TUBA1C: variants seen among roughly 807,000 people sequenced by gnomAD.
TUBA1C encodes the protein tubulin alpha 1c.
TUBA1C carries 16 observed loss-of-function variants against 34.9 expected under a neutral mutation model. The ratio of observed to expected loss-of-function variants is 0.46; its 90% CI spans 0.31 to 0.70. TUBA1C has a LOEUF of 0.70. TUBA1C is among the 30% of genes least tolerant of loss of function. The pLI is 0.05. For missense variants in TUBA1C, 329 were observed against 587.3 expected (o/e 0.56, Z 4.55); for synonymous variants, 177 against 215.9 (o/e 0.82, Z 1.58).
intron 3 of TUBA1C, 64 bp downstream of exon 3, chr12:49,270,040 CA>C: frequency 6.2e-7 from 1 of 1,613,920 alleles, no homozygotes; most frequent in Non-Finnish European, 8.5e-7. Context: ...GACCAAACTA[CA>C]GAAATCATTC....
At chr12:49,256,434 A>T (rs1212045129) in intron 1 of TUBA1C, 1 of 455,708 alleles carries the variant, frequency 2.2e-6, no homozygotes. Context: ...TTCCGTACAT[A>T]TAAATGGAGC....
At chr12:49,262,036 G>A (rs532649885), upstream of TUBA1C, among the ~76,000 whole-genome samples, 1 of 152,232 alleles carries the variant, frequency 6.6e-6, no homozygotes, top group African/African-American at 2.4e-5. Flanking sequence ...TGTTAGGGCT[G>A]TAAGGGCCTT....
chr12:49,272,901 C>A lies in TUBA1C; in HGVS notation c.1024C>A (p.Gln342Lys), dbSNP rs573833092. The A allele has an allele frequency of 3.1e-6, 5 of 1,614,186 alleles. No homozygotes were observed. The highest frequency in any genetic ancestry group is 4.2e-6 in the Non-Finnish European group (5 of 1,180,018). Residue 342 changes from glutamine to lysine, a missense_variant, in exon 4 of 4, where the codon CAG (glutamine) becomes AAG (lysine). By Grantham distance (53) the Gln-to-Lys change is moderately conservative. Coordinates refer to ENST00000301072, the MANE Select transcript of TUBA1C (RefSeq NM_032704.5). Reference protein sequence around the residue: ...IATIKTKRTIQFVDWCPTGFK... With the variant: ...IATIKTKRTIKFVDWCPTGFK... ...CACCATCAAAACCAAGCGTACCATC[C>A]AGTTTGTGGATTGGTGCCCCACTGG...
intron 1 of TUBA1C, among the ~76,000 whole-genome samples, chr12:49,240,199 G>A (rs1942599185): frequency 6.6e-6 from 1 of 150,814 alleles, no homozygotes. Flanking sequence ...ATTTATGTTT[G>A]GCAAAAAGCA....
chr12:49,244,975 G>A (rs1244013725), intron 1 of TUBA1C, among the ~76,000 whole-genome samples: 1 of 152,038 alleles, frequency 6.6e-6, no homozygotes, highest in Non-Finnish European at 1.5e-5. Flanking sequence ...ACAAGACTTG[G>A]AGAAGATAAA....
At chr12:49,270,693 A>AAGCTTT (rs1226150823) in intron 3 of TUBA1C, among the ~76,000 whole-genome samples, 6 of 152,184 alleles carry the variant, frequency 3.9e-5, no homozygotes, top group Non-Finnish European at 7.4e-5. Context: ...CTTAAAAACT[A>AAGCTTT]AGCTTTAGGC....
chr12:49,237,789 G>A (rs1019642434), intron 1 of TUBA1C, among the ~76,000 whole-genome samples: 1 of 149,396 alleles, frequency 6.7e-6, no homozygotes, highest in African/African-American at 2.5e-5. Flanking sequence ...AGGGAGGAAG[G>A]AAAGGAAAAA....
rs1212956084 is a variant in TUBA1C, at chr12:49,228,070, G to A, written c.117G>A (p.Trp39Ter). 6.5e-7 allele frequency: 1 copy of A among 1,535,630 alleles called. No homozygotes were observed. Among genetic ancestry groups the A allele is most frequent in the South Asian group, 1.2e-5 (1 of 84,062 alleles). ...ATGCAAAACTGTACATCTCTAACTG[G>A]ATTCTTATTTACTTCACCAGGACTC... The change falls in exon 1 of 4, where the codon TGG becomes TGA. Residue 39 changes from tryptophan to a stop codon, truncating the protein, a stop_gained. Coordinates refer to the TUBA1C transcript ENST00000541364. LOFTEE classifies it high-confidence loss of function.
chr12:49,240,296 GAAAA>G (rs201018194), intron 1 of TUBA1C, among the ~76,000 whole-genome samples: 6 of 81,966 alleles, frequency 7.3e-5, no homozygotes, highest in African/African-American at 1.7e-4. Context: ...ACCATTCTCT[GAAAA>G]AAAAAAAAAA....
At chr12:49,243,107 C>T (rs1327536422) in intron 1 of TUBA1C, among the ~76,000 whole-genome samples, 4 of 152,120 alleles carry the variant, frequency 2.6e-5, no homozygotes, top group African/African-American at 4.8e-5. Context: ...CGTGCCCGGT[C>T]GTGACTTCCA....
upstream of TUBA1C, among the ~76,000 whole-genome samples, chr12:49,263,638 C>T (rs1942863306): frequency 6.6e-6 from 1 of 152,070 alleles, no homozygotes; most frequent in African/African-American, 2.4e-5. Context: ...AGAAAATTCA[C>T]TTTTGTTCCC....
At chr12:49,243,666 C>T (rs1405956421) in intron 1 of TUBA1C, among the ~76,000 whole-genome samples, 1 of 151,978 alleles carries the variant, frequency 6.6e-6, no homozygotes, top group Non-Finnish European at 1.5e-5. Context: ...GGCTGGAGTG[C>T]AGTGGTGCAA....
intron 1 of TUBA1C, among the ~76,000 whole-genome samples, chr12:49,251,111 G>A (rs2137002670): frequency 1.3e-5 from 2 of 152,284 alleles, no homozygotes; most frequent in East Asian, 3.9e-4. Flanking sequence ...GGAGGCTGAG[G>A]TGGGACAATA....
intron 1 of TUBA1C, among the ~76,000 whole-genome samples, chr12:49,268,435 G>A (rs1329991425): frequency 6.6e-6 from 1 of 150,998 alleles, no homozygotes; most frequent in Admixed American, 6.6e-5. Flanking sequence ...AATAGAGACA[G>A]TTTCACCATG....
At chr12:49,251,555 A>G (rs1035921585) in intron 1 of TUBA1C, among the ~76,000 whole-genome samples, 56 of 152,260 alleles carry the variant, frequency 3.7e-4, no homozygotes, top group Non-Finnish European at 1.9e-4. Flanking sequence ...TGGATGGGTC[A>G]CTTGAGGTCA....
chr12:49,254,484 C>CAA (rs764051406), intron 1 of TUBA1C, among the ~76,000 whole-genome samples: 662 of 29,696 alleles, frequency 0.022, 24 homozygotes, highest in African/African-American at 0.052. Context: ...TCCATCTAAA[C>CAA]AAAAAAAAAA....
chr12:49,244,724 T>G (rs1395265304), intron 1 of TUBA1C, among the ~76,000 whole-genome samples: 1 of 150,740 alleles, frequency 6.6e-6, no homozygotes, highest in Non-Finnish European at 1.5e-5. Context: ...TATCAAAGAG[T>G]TTTCATGATC....
Position 49,266,027 on chromosome 12 carries a change from G to A in TUBA1C, c.3+843G>A, listed in dbSNP as rs180955346. 5.5e-3 allele frequency among the ~76,000 whole-genome samples: 824 copies of A among 150,238 alleles called. 14 individuals are homozygous for A. The highest frequency in any genetic ancestry group is 4.9e-3 in the Non-Finnish European group (333 of 67,832). On this transcript the variant is annotated intron_variant, in intron 1 of 3. Coordinates refer to ENST00000301072, the MANE Select transcript of TUBA1C (RefSeq NM_032704.5). ...CGCCGGTAATCCCAGCTACTCGGGA[G>A]GCTGAGGCAGGAAAATCGCTTGAAC...
chr12:49,239,953 T>A (rs1942594849), intron 1 of TUBA1C, among the ~76,000 whole-genome samples: 1 of 151,596 alleles, frequency 6.6e-6, no homozygotes, highest in Non-Finnish European at 1.5e-5. Flanking sequence ...CACAAGTCAG[T>A]CCCTTGAAAC....
Sources: allele counts gnomAD v4.1 joint callset (sites outside exome capture counted in the v4.1 genomes callset), GRCh38; gene constraint gnomAD v4.1.1; transcripts MANE v1.5; gene names NCBI Gene and HGNC (gene_info 2026-07-23, HGNC 2026-07-21).